Variants in KANSL1 observed in about 807,000 individuals in gnomAD.
KANSL1 encodes MLL1/MLL complex subunit KANSL1.
A neutral mutation model predicts 103.6 loss-of-function variants in KANSL1; 22 were observed. The ratio of observed to expected loss-of-function variants is 0.21; its 90% CI spans 0.15 to 0.30. The LOEUF (loss-of-function observed/expected upper bound fraction) is 0.30. Among genes scored for constraint, KANSL1 ranks in the 10% least tolerant of loss-of-function variants. KANSL1 has a pLI of 1.00. For synonymous variants in KANSL1, 600 were observed against 527.6 expected (o/e 1.14, Z -1.88); for missense variants, 1,337 against 1,399.8 (o/e 0.96, Z 0.72).
Position 46,045,440 on chromosome 17 carries a change from A to AAAAAAAAAAAAATATATATATATATATAT in KANSL1, c.2020+5092_2020+5093insATATATATATATATATATTTTTTTTTTTT, listed in dbSNP as rs950085495. 3.2e-4 allele frequency: 46 copies of AAAAAAAAAAAAATATATATATATATATAT among 144,844 alleles called. 1 individual carries two copies. The highest frequency in any genetic ancestry group is 6.1e-4 in the Non-Finnish European group (39 of 63,482). The allele number at this position is 144,844 out of a possible 1,614,324, so 9.0% of individuals were successfully genotyped here. On this transcript the variant is annotated intron_variant, in intron 7 of 14. Coordinates refer to ENST00000432791, the MANE Select transcript of KANSL1 (RefSeq NM_015443.4). ...GTAGTTAATAGAGCCTACATGTAAA[A>AAAAAAAAAAAAATATATATATATATATAT]ATATATATATATCTCCACAGTCTCA...
intron 2 of KANSL1, among the ~76,000 whole-genome samples, chr17:46,136,860 T>C (rs573022792): frequency 1.3e-5 from 2 of 152,308 alleles, no homozygotes; most frequent in African/African-American, 2.4e-5. Flanking sequence ...TATACTAAAA[T>C]AGTATTTCCT....
intron 2 of KANSL1, among the ~76,000 whole-genome samples, chr17:46,158,639 C>T (rs11654111): frequency 0.35 from 53,166 of 151,802 alleles, 9,631 homozygotes; most frequent in South Asian, 0.6. Flanking sequence ...CACCTGGGTT[C>T]AAGTGATTCT....
At chr17:46,203,536 G>C (rs2732673) in intron 1 of KANSL1, among the ~76,000 whole-genome samples, 21,948 of 152,074 alleles carry the variant, frequency 0.14, 2,134 homozygotes, top group Non-Finnish European at 0.22. Flanking sequence ...AAGAATACTC[G>C]GTCACTTTAT....
rs1479248729 is a variant in KANSL1 at position 46,146,689 on chromosome 17, C to T, written c.1289+24166G>A. ...TCTACTAAAAATACAAAAAATTAGC[C>T]GGGCGTAGTGGCGGGCGCCTGTAGT... is the stretch of plus-strand genomic sequence containing the variant. On this transcript the variant is annotated intron_variant, in intron 2 of 14. Transcript: ENST00000432791. Among the ~76,000 whole-genome samples the T allele has an allele frequency of 2.1e-5, 3 of 144,266 alleles. 1 individual carries two copies. The highest frequency in any genetic ancestry group is 3.2e-5 in the Non-Finnish European group (2 of 63,336). 94.6% of individuals were successfully genotyped at this position (144,266 alleles called of 152,430 possible). A position where few individuals can be genotyped will look rare whatever the true frequency, so the allele number is the denominator to read the frequency against.
At chr17:46,112,790 T>C (rs62061845) in intron 2 of KANSL1, among the ~76,000 whole-genome samples, 21,114 of 150,906 alleles carry the variant, frequency 0.14, 2,080 homozygotes, top group Non-Finnish European at 0.21. Context: ...GGCACAATCT[T>C]GGCTCACTAC....
intron 2 of KANSL1, among the ~76,000 whole-genome samples, chr17:46,124,116 C>G (rs976005238): frequency 9.9e-5 from 15 of 152,156 alleles, no homozygotes; most frequent in Non-Finnish European, 1.9e-4. Context: ...TACACTACAT[C>G]AGCCAGGTGC....
chr17:46,211,226 G>GAAAAAA (rs2048158699), intron 1 of KANSL1, among the ~76,000 whole-genome samples: 1 of 48,924 alleles, frequency 2.0e-5, no homozygotes, highest in Non-Finnish European at 4.2e-5. Flanking sequence ...GATGTTCTAT[G>GAAAAAA]CAAAAAAAAA....
intron 3 of KANSL1, among the ~76,000 whole-genome samples, chr17:46,088,872 G>C (rs1003314473): frequency 2.0e-5 from 3 of 152,212 alleles, no homozygotes; most frequent in African/African-American, 7.2e-5. Context: ...CTGGGCAACA[G>C]AGCAAGACCC....
chr17:46,047,881 T>C (rs2077572219), intron 7 of KANSL1, among the ~76,000 whole-genome samples: 1 of 146,802 alleles, frequency 6.8e-6, no homozygotes, highest in East Asian at 2.0e-4. Context: ...GCCCTTATCC[T>C]CAGGGAGATT....
intron 2 of KANSL1, among the ~76,000 whole-genome samples, chr17:46,111,028 G>A (rs925977614): frequency 2.6e-5 from 4 of 152,188 alleles, no homozygotes; most frequent in Admixed American, 6.5e-5. Context: ...TCATATTCCT[G>A]GTTGTGATAA....
At position 46,031,192 on chromosome 17, in the gene KANSL1, T is replaced by G. The variant is rs1340955898; in HGVS notation, c.*284A>C. On this transcript the variant is annotated 3_prime_UTR_variant, in exon 15 of 15. Transcript: ENST00000432791. ...ATCTAAGATCAGTAAGTCCAGTGAT[T>G]CAACAGTGCAGAGGATGTGCCAGGA... The G allele has an allele frequency of 3.9e-5, 20 of 510,326 alleles. No individual in the cohort carries two copies. Among genetic ancestry groups the G allele is most frequent in the Non-Finnish European group, 6.4e-5 (18 of 283,082 alleles). 31.6% of individuals were successfully genotyped at this position (510,326 alleles called of 1,614,324 possible). A position where few individuals can be genotyped will look rare whatever the true frequency, so the allele number is the denominator to read the frequency against.
intron 2 of KANSL1, among the ~76,000 whole-genome samples, chr17:46,105,948 C>CACACACACACACACACACACACACACACA (rs373189477): frequency 5.1e-5 from 2 of 38,990 alleles, no homozygotes; most frequent in African/African-American, 1.7e-4. Flanking sequence ...CACACACACA[C>CACACACACACACACACACACACACACACA]CCCCCCAGAA....
chr17:46,171,110 A>T lies in KANSL1; in HGVS notation c.1034T>A (p.Met345Lys). The T allele has an allele frequency of 6.2e-7, 1 of 1,614,192 alleles. No individual in the cohort carries two copies. Among genetic ancestry groups the T allele is most frequent in the Admixed American group, 1.7e-5 (1 of 60,024 alleles). ...GGCAGCTTCAGCCTTTCGAGTCAGCATCAACTGGCTCCGTGGTCTCAAGGA... is the reference window on the plus strand; with the variant it reads ...GGCAGCTTCAGCCTTTCGAGTCAGCTTCAACTGGCTCCGTGGTCTCAAGGA... ...LESLRPRSQL[M>K]LTRKAEAALR... is the part of the protein sequence containing the mutation. Residue 345 changes from methionine to lysine, a missense_variant, in exon 2 of 15, where the codon ATG becomes AAG. Physicochemically the swap from Met to Lys is moderately conservative, Grantham distance 95. Around this residue, in one of 2 missense-constraint regions of KANSL1, gnomAD observed 557 missense variants for 476.4 expected, o/e 1.17. Transcript: ENST00000432791.
At position 46,031,587 on chromosome 17, in the gene KANSL1, G is replaced by T; in HGVS notation, c.3207C>A (p.Gly1069=). 6.2e-7 allele frequency: 1 copy of T among 1,614,148 alleles called. No homozygotes were observed. The highest frequency in any genetic ancestry group is 8.5e-7 in the Non-Finnish European group (1 of 1,180,030). The stretch of plus-strand genomic sequence containing the variant: ...CCTCTGTCTCCCGGCCAGTCTTGCT[G>T]CCTGAGGTGCGTCGAGTGCAGCGGG... ...RAARCTRRTS[G]SKTGRETEAA... is the part of the protein sequence containing the mutation. Residue 1069 remains glycine (G), a synonymous_variant, in exon 15 of 15, where the codon GGC becomes GGA. Transcript: ENST00000432791.
intron 3 of KANSL1, 29 bp from the exon 4 acceptor site, chr17:46,082,571 T>C: frequency 7.6e-7 from 1 of 1,313,362 alleles, no homozygotes. Context: ...AAAAATAGCA[T>C]AAGTGAGCAG....
At chr17:46,125,720 CTT>C (rs2147231474) in intron 2 of KANSL1, among the ~76,000 whole-genome samples, 1 of 152,336 alleles carries the variant, frequency 6.6e-6, no homozygotes, top group East Asian at 1.9e-4. Flanking sequence ...AAAGCCAACT[CTT>C]ATGTCAGAGT....
intron 6 of KANSL1, among the ~76,000 whole-genome samples, chr17:46,066,320 G>C (rs1406819885): frequency 6.6e-6 from 1 of 152,190 alleles, no homozygotes. Context: ...TTCAAAACTA[G>C]CTGCAGAGTC....
intron 2 of KANSL1, among the ~76,000 whole-genome samples, chr17:46,156,394 T>C (rs2045429829): frequency 6.6e-6 from 1 of 152,070 alleles, no homozygotes; most frequent in Non-Finnish European, 1.5e-5. Context: ...AAAGTCAGTA[T>C]CTGATAGTGT....
chr17:46,172,151 A>G lies in KANSL1; in HGVS notation c.-8T>C. Reference sequence around the variant, plus strand: ...GGGCGCCATCGCAGCCATTCAGCACAGAGAGACAGGAAGTCCAGCCTCTCC... The same window carrying G: ...GGGCGCCATCGCAGCCATTCAGCACGGAGAGACAGGAAGTCCAGCCTCTCC... On this transcript the variant is annotated 5_prime_UTR_variant, in exon 2 of 15. Coordinates refer to ENST00000432791, the MANE Select transcript of KANSL1 (RefSeq NM_015443.4). 1 of 1,600,668 alleles carries G rather than the reference A, an allele frequency of 6.2e-7. No individual in the cohort carries two copies. Among genetic ancestry groups the G allele is most frequent in the Non-Finnish European group, 8.5e-7 (1 of 1,179,290 alleles).
Sources: allele counts gnomAD v4.1 joint callset (sites outside exome capture counted in the v4.1 genomes callset), GRCh38; gene constraint gnomAD v4.1.1; regional missense constraint gnomAD v4.1.1; transcripts MANE v1.5; gene names NCBI Gene and HGNC (gene_info 2026-07-23, HGNC 2026-07-21).